CDC42EP4: variants seen among roughly 807,000 people sequenced by gnomAD.
CDC42EP4 encodes the protein CDC42 effector protein (Rho GTPase binding) 4.
CDC42EP4 carries 6 observed loss-of-function variants against 5.6 expected under a neutral mutation model. The observed-to-expected ratio is 1.07, with a 90% CI of 0.59 to 2.12. CDC42EP4 has a LOEUF of 2.12. Ranked by LOEUF, CDC42EP4 falls within the 30% of genes most tolerant of loss-of-function variation. The probability of loss-of-function intolerance (pLI) is 0.00; values close to 1 mark genes in which losing one functional copy is unlikely to be tolerated. For missense variants in CDC42EP4, 490 were observed against 508.6 expected, an observed-to-expected ratio of 0.96 and a Z score of 0.35; for synonymous variants, 230 against 224.2, an observed-to-expected ratio of 1.03 and a Z score of -0.23.
chr17:73,292,060 C>T (rs977391407), intron 1 of CDC42EP4, among the ~76,000 whole-genome samples: 51 of 152,348 alleles, frequency 3.3e-4, no homozygotes, highest in African/African-American at 1.2e-3. Context: ...GGGCAGTGGC[C>T]TGTCCCTGGC....
At position 73,292,296 on chromosome 17, in the gene CDC42EP4, G is replaced by A. The variant is rs148180703; in HGVS notation, c.-112-5684C>T. On this transcript the variant is annotated intron_variant, in intron 1 of 1. Coordinates refer to ENST00000335793, the MANE Select transcript of CDC42EP4 (RefSeq NM_012121.5). ...GATGCCAGGTCCAGGCAATGTGGCC[G>A]AATAGCAGAGGGCTTTTAGTGCACG... Among the ~76,000 whole-genome samples the A allele has an allele frequency of 1.5e-3, 235 of 152,348 alleles. 1 individual carries two copies. The highest frequency in any genetic ancestry group is 5.0e-3 in the African/African-American group (206 of 41,580).
At chr17:73,294,576 AAAC>A (rs1233192562) in intron 1 of CDC42EP4, among the ~76,000 whole-genome samples, 1 of 152,180 alleles carries the variant, frequency 6.6e-6, no homozygotes, top group East Asian at 1.9e-4. Flanking sequence ...CCATTCACTT[AAAC>A]AGCAATGTAC....
rs537564887 is a variant in CDC42EP4, at chr17:73,290,002, G to A, written c.-112-3390C>T. 7.9e-5 allele frequency among the ~76,000 whole-genome samples: 12 copies of A among 152,250 alleles called. 1 individual carries two copies. In the South Asian group the frequency reaches 2.1e-3, roughly 26 times the overall value. ...AAGGCCAAGCTTCAAACGAACTCTC[G>A]TTCCTGGCAAATCCTTCAGGCTTCT... On this transcript the variant is annotated intron_variant, in intron 1 of 1. Coordinates refer to ENST00000335793, the MANE Select transcript of CDC42EP4 (RefSeq NM_012121.5).
intron 1 of CDC42EP4, among the ~76,000 whole-genome samples, chr17:73,288,287 GC>G (rs1291238312): frequency 6.6e-6 from 1 of 152,146 alleles, no homozygotes; most frequent in Admixed American, 6.5e-5. Flanking sequence ...TGTCCCCCAG[GC>G]CGGAGTGTAA....
intron 1 of CDC42EP4, among the ~76,000 whole-genome samples, chr17:73,302,382 G>A (rs1239974062): frequency 1.3e-5 from 2 of 152,154 alleles, no homozygotes; most frequent in African/African-American, 4.8e-5. Context: ...CACTTACAGT[G>A]ATATCCTAAA....
Position 73,283,849 on chromosome 17 carries a change from G to A in CDC42EP4, c.*1581C>T, listed in dbSNP as rs1192782713. The A allele has an allele frequency of 6.6e-6, 1 of 152,354 alleles. No individual in the cohort carries two copies. The highest frequency in any genetic ancestry group is 1.5e-5 in the Non-Finnish European group (1 of 68,164). 9.4% of individuals were successfully genotyped at this position (152,354 alleles called of 1,614,324 possible). On this transcript the variant is annotated 3_prime_UTR_variant, in exon 2 of 2. Transcript: ENST00000335793. ...TTAGTGTCTAGAGTCAGGCAAGAGA[G>A]GAGAGTCAGGCAAGAGAGGAGGGGC...
chr17:73,287,450 C>A (rs918072312), intron 1 of CDC42EP4, among the ~76,000 whole-genome samples: 1 of 152,190 alleles, frequency 6.6e-6, no homozygotes, highest in African/African-American at 2.4e-5. Flanking sequence ...CCCCCAGGAT[C>A]TGCAGACTGA....
At position 73,286,031 on chromosome 17, in the gene CDC42EP4, G is replaced by A. The variant is rs769821399; in HGVS notation, c.470C>T (p.Ala157Val). Residue 157 changes from alanine to valine, a missense_variant, in exon 2 of 2, where the codon GCG becomes GTG. Ala to Val is a moderately conservative substitution (Grantham distance 64). Coordinates refer to ENST00000335793, the MANE Select transcript of CDC42EP4 (RefSeq NM_012121.5). This position sits in a 1 kb window ranked among gnomAD's most constrained non-coding sequence, Gnocchi z 7.7. Reference protein sequence around the residue: ...ANDGEGGDEEAGTEEAVPRRN... With the variant: ...ANDGEGGDEEVGTEEAVPRRN... ...ACGGGGCACTGCCTCCTCCGTGCCC[G>A]CCTCCTCATCGCCGCCCTCCCCGTC... 1.2e-5 allele frequency: 20 copies of A among 1,613,638 alleles called. No homozygotes were observed. In the East Asian group the frequency reaches 1.6e-4, roughly 13 times the overall value.
Position 73,286,340 on chromosome 17 carries a change from T to C in CDC42EP4, c.161A>G (p.Asn54Ser), listed in dbSNP as rs190354184. ...GDAFGDTSFL[N>S]SKAGEPDGES... is the part of the protein sequence containing the mutation. ...GCCGTCGGGCTCGCCAGCCTTGCTA[T>C]TGAGGAAGGAGGTGTCCCCAAAGGC... The change falls in exon 2 of 2, where the codon AAT (asparagine) becomes AGT (serine). Residue 54 changes from asparagine to serine, a missense_variant. Asn to Ser is a conservative substitution (Grantham distance 46). Coordinates refer to ENST00000335793, the MANE Select transcript of CDC42EP4 (RefSeq NM_012121.5). This position sits in a 1 kb window ranked among gnomAD's most constrained non-coding sequence, Gnocchi z 7.7. The C allele has an allele frequency of 6.2e-6, 10 of 1,614,172 alleles. No homozygotes were observed. The Admixed American group carries it at 1.2e-4, about 19-fold the overall frequency.
chr17:73,285,877 G>A lies in CDC42EP4; in HGVS notation c.624C>T (p.Ser208=). The change falls in exon 2 of 2, where the codon TCC becomes TCT. Residue 208 remains serine (S), a synonymous_variant. Coordinates refer to ENST00000335793, the MANE Select transcript of CDC42EP4 (RefSeq NM_012121.5). The surrounding 1 kb of genome is among the most constrained non-coding windows in gnomAD (Gnocchi z 6.8). ...TGGAGGGCCCCAGGTCGATGTGGAA[G>A]GACATGATGGACTCCGCATGCTTCA... ...YGLKHAESIM[S]FHIDLGPSML... is the part of the protein sequence containing the mutation. 3.1e-6 allele frequency: 5 copies of A among 1,614,104 alleles called. No individual in the cohort carries two copies. The highest frequency in any genetic ancestry group is 4.2e-6 in the Non-Finnish European group (5 of 1,180,032).
At chr17:73,294,423 T>G (rs1041610959) in intron 1 of CDC42EP4, among the ~76,000 whole-genome samples, 6 of 152,152 alleles carry the variant, frequency 3.9e-5, no homozygotes, top group Admixed American at 3.3e-4. Flanking sequence ...TCAGGACTCC[T>G]GTACCATTTA....
chr17:73,295,844 G>C (rs2062181542), intron 1 of CDC42EP4, among the ~76,000 whole-genome samples: 1 of 149,692 alleles, frequency 6.7e-6, no homozygotes, highest in African/African-American at 2.5e-5. Context: ...GGCAGAGGTT[G>C]CAGCACACTG....
chr17:73,298,063 A>C (rs2062198041), intron 1 of CDC42EP4, among the ~76,000 whole-genome samples: 1 of 151,878 alleles, frequency 6.6e-6, no homozygotes, highest in South Asian at 2.1e-4. Flanking sequence ...AACCAGCTTA[A>C]GACTATCTAG....
intron 1 of CDC42EP4, among the ~76,000 whole-genome samples, chr17:73,304,122 G>A (rs1443721940): frequency 6.6e-6 from 1 of 152,108 alleles, no homozygotes; most frequent in Non-Finnish European, 1.5e-5. Flanking sequence ...TAACCTCAGG[G>A]GTAGACCCCT....
intron 1 of CDC42EP4, among the ~76,000 whole-genome samples, chr17:73,292,116 C>G (rs1394456054): frequency 6.6e-6 from 1 of 152,244 alleles, no homozygotes; most frequent in Non-Finnish European, 1.5e-5. Flanking sequence ...CATGGGGCAG[C>G]TAGGCAGGCC....
Position 73,286,108 on chromosome 17 carries a change from G to C in CDC42EP4, c.393C>G (p.Gly131=). 2 of 1,613,980 alleles carry C rather than the reference G, an allele frequency of 1.2e-6. No individual in the cohort carries two copies. The highest frequency in any genetic ancestry group is 1.7e-6 in the Non-Finnish European group (2 of 1,180,024). ...ACAGGCTCTTGGGCAGCTTACTGGT[G>C]CCCTTCTCCGCGGCCTCCTTCTCAT... ...QLNEKEAAEK[G]TSKLPKSLSS... The change falls in exon 2 of 2, where the codon GGC becomes GGG. Residue 131 remains glycine (G), a synonymous_variant. Coordinates refer to ENST00000335793, the MANE Select transcript of CDC42EP4 (RefSeq NM_012121.5). This position sits in a 1 kb window ranked among gnomAD's most constrained non-coding sequence, Gnocchi z 7.7.
In CDC42EP4 at chr17:73,288,824, A is replaced by C. The variant is rs2062146490; in HGVS notation, c.-112-2212T>G. Among the ~76,000 whole-genome samples, 3 of 152,022 alleles carry C rather than the reference A, an allele frequency of 2.0e-5. No homozygotes were observed. In the South Asian group the frequency reaches 6.2e-4, roughly 32 times the overall value. ...CCCCACCAGCAATGTCCCCCCTCCC[A>C]GTGCCCACGCCATACCGCTTATCAT... On this transcript the variant is annotated intron_variant, in intron 1 of 1. Coordinates refer to ENST00000335793, the MANE Select transcript of CDC42EP4 (RefSeq NM_012121.5).
At chr17:73,293,006 T>C (rs2062168660) in intron 1 of CDC42EP4, among the ~76,000 whole-genome samples, 1 of 151,936 alleles carries the variant, frequency 6.6e-6, no homozygotes, top group Non-Finnish European at 1.5e-5. Flanking sequence ...GAGCCACTGC[T>C]CCTGGCCGAT....
intron 1 of CDC42EP4, among the ~76,000 whole-genome samples, chr17:73,303,930 C>T (rs188716857): frequency 3.3e-5 from 5 of 152,308 alleles, no homozygotes; most frequent in South Asian, 2.1e-4. Flanking sequence ...AAACACACTA[C>T]GGCTTAAAAT....
Sources: allele counts gnomAD v4.1 joint callset (sites outside exome capture counted in the v4.1 genomes callset), GRCh38; gene constraint gnomAD v4.1.1; non-coding constraint Gnocchi (gnomAD v3.1); transcripts MANE v1.5; gene names NCBI Gene and HGNC (gene_info 2026-07-23, HGNC 2026-07-21).